Variants in DLGAP3 observed in about 807,000 individuals in gnomAD.
DLGAP3 encodes the protein DLG associated protein 3, also known as disks large-associated protein 3.
Under a neutral mutation model 81.2 loss-of-function variants are expected in DLGAP3, and 17 were observed. The observed-to-expected ratio is 0.21, with a 90% CI of 0.14 to 0.31. The LOEUF (loss-of-function observed/expected upper bound fraction) is 0.31, where lower values mean the gene tolerates loss of function less well. DLGAP3 is among the 10% of genes least tolerant of loss of function. The pLI, the probability that DLGAP3 is intolerant of heterozygous loss-of-function variation, is 1.00. For synonymous variants in DLGAP3, 577 were observed against 587.4 expected (o/e 0.98, Z 0.26); for missense variants, 1,124 against 1,388.0 (o/e 0.81, Z 3.02).
In DLGAP3 at chr1:34,928,731, G is replaced by GCA. The variant is rs147710532; in HGVS notation, c.-135+718_-135+719dup. On this transcript the variant is annotated intron_variant, in intron 1 of 11. Coordinates refer to ENST00000373347, the MANE Select transcript of DLGAP3 (RefSeq NM_001080418.3). Reference sequence around the variant, plus strand: ...ACAGCCAACGCACGCGCGCGCACACGCACACACACACACACACAGTCACAC... The same window carrying GCA: ...ACAGCCAACGCACGCGCGCGCACACGCACACACACACACACACACAGTCACAC... Among the ~76,000 whole-genome samples the GCA allele has an allele frequency of 2.5e-3, 366 of 148,968 alleles. 1 individual carries two copies. The highest frequency in any genetic ancestry group is 7.0e-3 in the Middle Eastern group (2 of 284).
intron 1 of DLGAP3, among the ~76,000 whole-genome samples, chr1:34,921,522 C>A (rs80012603): frequency 0.011 from 1,624 of 152,292 alleles, 31 homozygotes; most frequent in African/African-American, 0.036. Context: ...GTGTGTCTAC[C>A]CTCCTTAACA....
At chr1:34,906,619 C>T (rs1349114514) in intron 2 of DLGAP3, among the ~76,000 whole-genome samples, 1 of 151,886 alleles carries the variant, frequency 6.6e-6, no homozygotes, top group Non-Finnish European at 1.5e-5. Flanking sequence ...CCTCCATTCC[C>T]ATTCCACTGG....
intron 5 of DLGAP3, among the ~76,000 whole-genome samples, chr1:34,891,859 T>C (rs1639315836): frequency 6.6e-6 from 1 of 152,214 alleles, no homozygotes; most frequent in Admixed American, 6.5e-5. Flanking sequence ...CCACATGTTG[T>C]AGGGAAGACA....
chr1:34,916,153 G>A (rs945699857), intron 1 of DLGAP3, among the ~76,000 whole-genome samples: 3 of 152,144 alleles, frequency 2.0e-5, no homozygotes, highest in East Asian at 3.9e-4. Context: ...AGAGAAACAG[G>A]GAGAAACAGG....
At chr1:34,906,967 C>T (rs1334292056) in intron 2 of DLGAP3, among the ~76,000 whole-genome samples, 2 of 152,082 alleles carry the variant, frequency 1.3e-5, no homozygotes, top group Non-Finnish European at 2.9e-5. Context: ...CCCTCATCCT[C>T]GACCAGGCTC....
chr1:34,887,110 A>G (rs1301793147), intron 5 of DLGAP3, among the ~76,000 whole-genome samples: 1 of 151,698 alleles, frequency 6.6e-6, no homozygotes, highest in Non-Finnish European at 1.5e-5. Flanking sequence ...GCCTGCCACG[A>G]CGCCCGGCTA....
chr1:34,905,560 C>T, intron 2 of DLGAP3, 126 bp from the exon 3 acceptor site: 1 of 701,976 alleles, frequency 1.4e-6, no homozygotes, highest in African/African-American at 1.8e-5. Flanking sequence ...ATCACACTAC[C>T]CTCCCACAAA....
chr1:34,878,147 A>G (rs1025434976), intron 8 of DLGAP3, among the ~76,000 whole-genome samples: 2 of 152,158 alleles, frequency 1.3e-5, no homozygotes, highest in Non-Finnish European at 2.9e-5. Context: ...TCTCCTAAAA[A>G]TACAAAAAAA....
Position 34,904,586 on chromosome 1 carries a change from G to A in DLGAP3, c.798C>T (p.Asn266=), listed in dbSNP as rs919162047. 2.5e-6 allele frequency: 4 copies of A among 1,614,128 alleles called. No homozygotes were observed. Among genetic ancestry groups the A allele is most frequent in the Non-Finnish European group, 3.4e-6 (4 of 1,180,046 alleles). The change falls in exon 3 of 12, where the codon AAC becomes AAT. Residue 266 remains asparagine, a synonymous_variant. Coordinates refer to ENST00000373347, the MANE Select transcript of DLGAP3 (RefSeq NM_001080418.3). The surrounding 1 kb of genome is among the most constrained non-coding windows in gnomAD (Gnocchi z 8.1). The part of the protein sequence containing the change: ...KSTGWWSSDD[N]LDSDSGFLAG... ...CCAGGAAGCCGCTATCACTGTCCAA[G>A]TTGTCATCGGAACTCCACCAGCCTG...
rs1000879465 is a variant in DLGAP3 at position 34,866,025 on chromosome 1, G to T, written c.*58C>A. ...CGCGTTCACAGTGACCTCGACGCTG[G>T]GTGTACAGTACGGGTGGAGAACCGC... On this transcript the variant is annotated 3_prime_UTR_variant, in exon 12 of 12. Coordinates refer to ENST00000373347, the MANE Select transcript of DLGAP3 (RefSeq NM_001080418.3). 6.9e-7 allele frequency: 1 copy of T among 1,446,596 alleles called. No homozygotes were observed. The highest frequency in any genetic ancestry group is 9.4e-7 in the Non-Finnish European group (1 of 1,059,866). The allele number at this position is 1,446,596 out of a possible 1,614,324, so 89.6% of individuals were successfully genotyped here.
intron 1 of DLGAP3, among the ~76,000 whole-genome samples, chr1:34,912,551 C>T (rs370052604): frequency 6.6e-6 from 1 of 152,346 alleles, no homozygotes; most frequent in East Asian, 1.9e-4. Flanking sequence ...TCAGCCCTAT[C>T]CAATCCCCTC....
rs1391740124 is a variant in DLGAP3, at chr1:34,869,096, A to G, written c.2001-7T>C. The G allele has an allele frequency of 6.3e-7, 1 of 1,580,376 alleles. No individual in the cohort carries two copies. Among genetic ancestry groups the G allele is most frequent in the African/African-American group, 1.3e-5 (1 of 74,618 alleles). On this transcript the variant is annotated splice_polypyrimidine_tract_variant and splice_region_variant and intron_variant, in intron 8 of 11. Transcript: ENST00000373347. Reference sequence around the variant, plus strand: ...GCGCTTGAACCTTGCTCGCCTGGGGAGAGGGGTGGCTGTCATCCCCCATTG... The same window carrying G: ...GCGCTTGAACCTTGCTCGCCTGGGGGGAGGGGTGGCTGTCATCCCCCATTG...
In DLGAP3 at chr1:34,905,284, G is replaced by T; in HGVS notation, c.100C>A (p.Leu34Met). 6.3e-7 allele frequency: 1 copy of T among 1,577,450 alleles called. No homozygotes were observed. ...GAGAAGGCCTCCCTGGAGCCCAGCA[G>T]GTATGGGGCCCTGGCAGCAGGGCCC... ...DVGPAARAPY[L>M]LGSREAFSTE... The change falls in exon 3 of 12, where the codon CTG (leucine) becomes ATG (methionine). Residue 34 changes from leucine to methionine, a missense_variant. Physicochemically the swap from Leu to Met is conservative, Grantham distance 15. Transcript: ENST00000373347.
At position 34,895,292 on chromosome 1, in the gene DLGAP3, C is replaced by T. The variant is rs1255926470; in HGVS notation, c.1386+4377G>A. On this transcript the variant is annotated intron_variant, in intron 5 of 11. Transcript: ENST00000373347. The surrounding 1 kb of genome is among the most constrained non-coding windows in gnomAD (Gnocchi z 4.5). ...CTGAGGCAGAAGAATGGCGTGAACC[C>T]AGGAAGCGGAGCTTGCAGTGAGCCG... 6.6e-6 allele frequency among the ~76,000 whole-genome samples: 1 copy of T among 151,072 alleles called. No homozygotes were observed. The highest frequency in any genetic ancestry group is 1.5e-5 in the Non-Finnish European group (1 of 67,890).
chr1:34,868,887 C>T lies in DLGAP3; in HGVS notation c.2203G>A (p.Gly735Ser). 1 of 1,600,140 alleles carries T rather than the reference C, an allele frequency of 6.2e-7. No homozygotes were observed. Among genetic ancestry groups the T allele is most frequent in the Non-Finnish European group, 8.5e-7 (1 of 1,176,560 alleles). Reference protein sequence around the residue: ...YSVFRTVHTQGQWAYREGYPL... With the variant: ...YSVFRTVHTQSQWAYREGYPL... ...TAGCCCTCGCGGTAGGCCCACTGGC[C>T]CTGCGTGTGGACCGTGCGGAAGACT... Residue 735 changes from glycine to serine, a missense_variant, in exon 9 of 12, where the codon GGC (glycine) becomes AGC (serine). Gly to Ser is a moderately conservative substitution (Grantham distance 56). Transcript: ENST00000373347. This position sits in a 1 kb window ranked among gnomAD's most constrained non-coding sequence, Gnocchi z 7.5.
At chr1:34,877,150 T>G (rs1639070749) in intron 8 of DLGAP3, among the ~76,000 whole-genome samples, 1 of 152,124 alleles carries the variant, frequency 6.6e-6, no homozygotes, top group African/African-American at 2.4e-5. Context: ...ACCAGACATA[T>G]GCTAGAGGCT....
Position 34,905,408 on chromosome 1 carries a change from T to C in DLGAP3, c.-25A>G. 6.5e-7 allele frequency: 1 copy of C among 1,540,120 alleles called. No homozygotes were observed. The highest frequency in any genetic ancestry group is 8.8e-7 in the Non-Finnish European group (1 of 1,141,620). ...TGGCCTCAGCAAAGGCTCTTCATAG[T>C]CTTGGGGGCCAGGCCCCAGGAACCT... is the stretch of plus-strand genomic sequence containing the variant. On this transcript the variant is annotated 5_prime_UTR_variant, in exon 3 of 12. Transcript: ENST00000373347.
chr1:34,921,547 T>C (rs1029076478), intron 1 of DLGAP3, among the ~76,000 whole-genome samples: 1 of 152,208 alleles, frequency 6.6e-6, no homozygotes, highest in African/African-American at 2.4e-5. Context: ...CCTTATTTGG[T>C]TCCAGGTCCT....
intron 8 of DLGAP3, among the ~76,000 whole-genome samples, chr1:34,881,219 T>C (rs981587829): frequency 6.6e-5 from 10 of 152,196 alleles, no homozygotes; most frequent in African/African-American, 2.4e-4. Context: ...AAAAATAATA[T>C]AGCAAAACTG....
Sources: allele counts gnomAD v4.1 joint callset (sites outside exome capture counted in the v4.1 genomes callset), GRCh38; gene constraint gnomAD v4.1.1; non-coding constraint Gnocchi (gnomAD v3.1); transcripts MANE v1.5; gene names NCBI Gene and HGNC (gene_info 2026-07-23, HGNC 2026-07-21).